The following SMURF1 variants were observed in gnomAD, a reference collection of about 807,000 sequenced individuals.
The protein encoded by SMURF1 is SMAD specific E3 ubiquitin protein ligase 1.
A neutral mutation model predicts 98.0 loss-of-function variants in SMURF1; 44 were observed. The observed-to-expected ratio is 0.45, with a 90% CI of 0.35 to 0.58. The LOEUF is 0.58. Among genes scored for constraint, SMURF1 ranks in the 20% least tolerant of loss-of-function variants. The pLI is 0.00. For missense variants in SMURF1, 687 were observed against 938.4 expected (o/e 0.73, Z 3.50); for synonymous variants, 396 against 374.9 (o/e 1.06, Z -0.65).
In SMURF1 at chr7:99,089,642, TAAAACAAAACAAAAC is replaced by T. The variant is rs59262301; in HGVS notation, c.56-27820_56-27806del. The stretch of plus-strand genomic sequence containing the variant: ...GGCAACAGAGCGAGACCCTGTCTCT[TAAAACAAAACAAAAC>T]AAAACAAAACAAAACAATACAACGG... On this transcript the variant is annotated intron_variant, in intron 1 of 17. Coordinates refer to ENST00000361368, the MANE Select transcript of SMURF1 (RefSeq NM_181349.3). 6.5e-4 allele frequency among the ~76,000 whole-genome samples: 99 copies of T among 151,872 alleles called. 1 individual carries two copies. The highest frequency in any genetic ancestry group is 2.3e-3 in the African/African-American group (94 of 41,386).
chr7:99,081,711 G>T (rs1796580644), intron 1 of SMURF1, among the ~76,000 whole-genome samples: 1 of 152,212 alleles, frequency 6.6e-6, no homozygotes, highest in Non-Finnish European at 1.5e-5. Context: ...GGAGTGCAGT[G>T]GTGCAATCTA....
Position 99,029,480 on chromosome 7 carries a change from T to C in SMURF1, c.*1104A>G, listed in dbSNP as rs1027526792. ...AGCTGCCACTGGGAAAGGGGCCACA[T>C]GAGGCAGTGAGTGTGAAGTCGTCCC... On this transcript the variant is annotated 3_prime_UTR_variant, in exon 18 of 18. Coordinates refer to ENST00000361368, the MANE Select transcript of SMURF1 (RefSeq NM_181349.3). The C allele has an allele frequency of 3.3e-5, 5 of 152,230 alleles. No individual in the cohort carries two copies. The highest frequency in any genetic ancestry group is 1.9e-4 in the East Asian group (1 of 5,196). 9.4% of individuals were successfully genotyped at this position (152,230 alleles called of 1,614,324 possible). A position where few individuals can be genotyped will look rare whatever the true frequency, so the allele number is the denominator to read the frequency against.
chr7:99,085,228 C>T (rs954779682), intron 1 of SMURF1, among the ~76,000 whole-genome samples: 6 of 151,882 alleles, frequency 4.0e-5, no homozygotes, highest in Non-Finnish European at 8.8e-5. Context: ...TGGTGGGTGC[C>T]TGTAATCCCA....
chr7:99,094,714 G>C (rs995851886), intron 1 of SMURF1, among the ~76,000 whole-genome samples: 2 of 150,142 alleles, frequency 1.3e-5, no homozygotes, highest in Non-Finnish European at 3.0e-5. Flanking sequence ...TGTATTTTAA[G>C]AACAAAGCAA....
At chr7:99,034,378 T>G (rs1366049928) in intron 16 of SMURF1, among the ~76,000 whole-genome samples, 1 of 152,206 alleles carries the variant, frequency 6.6e-6, no homozygotes, top group Admixed American at 6.5e-5. Context: ...TGACAGGGAC[T>G]ATCTCTAAGC....
intron 1 of SMURF1, among the ~76,000 whole-genome samples, chr7:99,111,357 T>C (rs961875224): frequency 2.6e-5 from 4 of 152,346 alleles, no homozygotes; most frequent in African/African-American, 7.2e-5. Context: ...GATGATGGTA[T>C]AGAGAAACAG....
intron 3 of SMURF1, among the ~76,000 whole-genome samples, chr7:99,059,406 AT>A (rs67374898): frequency 0.51 from 46,336 of 90,040 alleles, 11,406 homozygotes; most frequent in South Asian, 0.61. Flanking sequence ...TCAAAAAAAA[AT>A]AAAATAAAAT....
intron 1 of SMURF1, among the ~76,000 whole-genome samples, chr7:99,065,776 G>A (rs185818503): frequency 1.3e-5 from 2 of 152,082 alleles, no homozygotes; most frequent in Non-Finnish European, 2.9e-5. Flanking sequence ...GGCTGGGCGC[G>A]GTGGCTTACG....
At position 99,052,279 on chromosome 7, in the gene SMURF1, T is replaced by A. The variant is rs199969314; in HGVS notation, c.647A>T (p.Asp216Val). ...RLQAQRLRNP[D>V]VRGSLQTPQN... is the part of the protein sequence containing the mutation. Reference sequence around the variant, plus strand: ...GGGCGTCTGTAGTGAACCTCGCACATCAGGGTTTCGAAGCCGCTGTGCCTG... The same window carrying A: ...GGGCGTCTGTAGTGAACCTCGCACAACAGGGTTTCGAAGCCGCTGTGCCTG... Residue 216 changes from aspartate (D) to valine (V), a missense_variant, in exon 7 of 18, where the codon GAT becomes GTT. By Grantham distance (152) the Asp-to-Val change is radical. This residue lies in a region of SMURF1 where 415 missense variants were observed against 508.4 expected (regional missense o/e 0.82). Coordinates refer to ENST00000361368, the MANE Select transcript of SMURF1 (RefSeq NM_181349.3). 2.0e-5 allele frequency: 33 copies of A among 1,611,754 alleles called. No homozygotes were observed. The African/African-American group carries it at 4.1e-4, about 20-fold the overall frequency.
intron 1 of SMURF1, among the ~76,000 whole-genome samples, chr7:99,067,313 T>A (rs539882574): frequency 8.0e-4 from 121 of 152,068 alleles, no homozygotes; most frequent in African/African-American, 2.8e-3. Flanking sequence ...TAGTATTTTT[T>A]AAAAAATACA....
At chr7:99,033,246 T>G in intron 16 of SMURF1, 125 bp from the exon 17 acceptor site, 1 of 906,330 alleles carries the variant, frequency 1.1e-6, no homozygotes. Flanking sequence ...GGCTGTCCTG[T>G]GAGAGGGCCA....
chr7:99,084,720 C>T (rs62472979), intron 1 of SMURF1, among the ~76,000 whole-genome samples: 10,540 of 152,104 alleles, frequency 0.069, 536 homozygotes, highest in Middle Eastern at 0.12. Context: ...ACAACAAAAT[C>T]GAGCAAAAGG....
At chr7:99,069,197 C>T (rs1403461035) in intron 1 of SMURF1, among the ~76,000 whole-genome samples, 2 of 152,160 alleles carry the variant, frequency 1.3e-5, no homozygotes, top group African/African-American at 2.4e-5. Context: ...ATAAATGTTT[C>T]GACTGCTCTG....
At chr7:99,115,275 C>CA (rs1274178870) in intron 1 of SMURF1, among the ~76,000 whole-genome samples, 1 of 151,976 alleles carries the variant, frequency 6.6e-6, no homozygotes, top group Non-Finnish European at 1.5e-5. Context: ...GAGAAGATTT[C>CA]AATCACTAGA....
intron 1 of SMURF1, among the ~76,000 whole-genome samples, chr7:99,099,256 T>C (rs1358104382): frequency 1.6e-5 from 2 of 121,782 alleles, no homozygotes; most frequent in Non-Finnish European, 1.7e-5. Flanking sequence ...GGCACGGGAG[T>C]AGAAAATGAG....
At chr7:99,041,484 A>G (rs1205317061) in intron 12 of SMURF1, among the ~76,000 whole-genome samples, 1 of 152,224 alleles carries the variant, frequency 6.6e-6, no homozygotes, top group Admixed American at 6.5e-5. Flanking sequence ...TCAGGTTTGA[A>G]TTATGTTCAC....
chr7:99,057,251 G>A lies in SMURF1; in HGVS notation c.357C>T (p.Cys119=). The change falls in exon 5 of 18, where the codon TGC becomes TGT. Residue 119 remains cysteine, a synonymous_variant. Transcript: ENST00000361368. ...KDTGYQRLDL[C]KLNPSDTDAV... is the part of the protein sequence containing the mutation. Reference sequence around the variant, plus strand: ...CATCAGTATCTGAGGGGTTTAGTTTGCATAGATCCAAACGCTGGTCTGTAA... The same window carrying A: ...CATCAGTATCTGAGGGGTTTAGTTTACATAGATCCAAACGCTGGTCTGTAA... 1.9e-6 allele frequency: 3 copies of A among 1,614,086 alleles called. No homozygotes were observed. Among genetic ancestry groups the A allele is most frequent in the Non-Finnish European group, 2.5e-6 (3 of 1,179,994 alleles).
chr7:99,050,662 A>G (rs1212945708), intron 8 of SMURF1: 4 of 356,374 alleles, frequency 1.1e-5, no homozygotes, highest in African/African-American at 8.0e-5. Context: ...AACAGGGGGT[A>G]CAAAAGAGAC....
intron 14 of SMURF1, among the ~76,000 whole-genome samples, chr7:99,037,423 A>AGAT (rs1247816726): frequency 2.6e-5 from 4 of 152,182 alleles, no homozygotes; most frequent in African/African-American, 9.7e-5. Flanking sequence ...TTTTTAGTGG[A>AGAT]GATGGGGTTT....
Sources: gnomAD v4.1 joint callset for allele counts (sites outside exome capture counted in the v4.1 genomes callset) on GRCh38, gnomAD v4.1.1 for gene constraint, gnomAD v4.1.1 regional missense constraint, MANE v1.5 for transcripts, NCBI Gene and HGNC (gene_info 2026-07-23, HGNC 2026-07-21) for gene names.